The following LILRB1 variants were observed in gnomAD, a reference collection of about 807,000 sequenced individuals.
LILRB1 encodes leukocyte immunoglobulin-like receptor subfamily B member 1.
A neutral mutation model predicts 74.6 loss-of-function variants in LILRB1; 59 were observed. The ratio of observed to expected loss-of-function variants is 0.79; its 90% CI spans 0.64 to 0.98. The LOEUF (loss-of-function observed/expected upper bound fraction) is 0.98. LILRB1 is among the 50% of genes least tolerant of loss of function. LILRB1 has a pLI of 0.00. For missense variants in LILRB1, 804 were observed against 822.6 expected (o/e 0.98, Z 0.28); for synonymous variants, 328 against 333.9 (o/e 0.98, Z 0.19).
intron 1 of LILRB1, among the ~76,000 whole-genome samples, chr19:54,618,373 T>A (rs2146140215): frequency 6.6e-6 from 1 of 152,350 alleles, no homozygotes; most frequent in East Asian, 1.9e-4. Context: ...AAATCTTTAA[T>A]AAATAAGCTG....
chr19:54,632,847 G>A lies in LILRB1; in HGVS notation c.958+87G>A. The A allele has an allele frequency of 5.9e-6, 9 of 1,525,920 alleles. No homozygotes were observed. The South Asian group carries it at 7.0e-5, about 12-fold the overall frequency. The allele number at this position is 1,525,920 out of a possible 1,614,324, so 94.5% of individuals were successfully genotyped here. A position where few individuals can be genotyped will look rare whatever the true frequency, so the allele number is the denominator to read the frequency against. ...TCAGGTAGTGATGGCCGGGATGAGGGATGGGGGTCCCAAGGGAGGGAGAGA... is the reference window on the plus strand; with the variant it reads ...TCAGGTAGTGATGGCCGGGATGAGGAATGGGGGTCCCAAGGGAGGGAGAGA... On this transcript the variant is annotated intron_variant, in intron 6 of 14. Coordinates refer to ENST00000324602, the MANE Select transcript of LILRB1 (RefSeq NM_001081637.3).
At chr19:54,621,881 G>A (rs965486896) in intron 1 of LILRB1, among the ~76,000 whole-genome samples, 2 of 152,114 alleles carry the variant, frequency 1.3e-5, no homozygotes, top group Non-Finnish European at 2.9e-5. Flanking sequence ...GGAGATAAAG[G>A]TCCAGTTTTA....
Position 54,623,058 on chromosome 19 carries a change from C to T in LILRB1, c.-166+5709C>T, listed in dbSNP as rs1032149913. Among the ~76,000 whole-genome samples, 11 of 152,192 alleles carry T rather than the reference C, an allele frequency of 7.2e-5. No homozygotes were observed. The South Asian group carries it at 8.3e-4, about 11-fold the overall frequency. On this transcript the variant is annotated intron_variant, in intron 1 of 15. Coordinates refer to the LILRB1 transcript ENST00000396331. ...ATGTTTTTGATACACTGTTAGATTCCGTTTAATAGCATTTTCTTGAGGATT... is the reference window on the plus strand; with the variant it reads ...ATGTTTTTGATACACTGTTAGATTCTGTTTAATAGCATTTTCTTGAGGATT...
At chr19:54,633,385 C>G (rs1172067237) in intron 7 of LILRB1, 67 bp downstream of exon 7, 2 of 1,556,984 alleles carry the variant, frequency 1.3e-6, no homozygotes, top group Non-Finnish European at 1.7e-6. Context: ...CAGGAGAGCT[C>G]TGGGCTGGGA....
Position 54,622,200 on chromosome 19 carries a change from T to A in LILRB1, c.-166+4851T>A, listed in dbSNP as rs570179534. Among the ~76,000 whole-genome samples the A allele has an allele frequency of 2.0e-5, 3 of 152,336 alleles. No homozygotes were observed. The South Asian group carries it at 6.2e-4, about 32-fold the overall frequency. On this transcript the variant is annotated intron_variant, in intron 1 of 15. Transcript: ENST00000396331. ...TTTGGTTCCAAATGAATTTAAAAAT[T>A]GCTTTTTCTCTAATTCTGTTAAAGA...
chr19:54,634,003 G>A lies in LILRB1; in HGVS notation c.1345G>A (p.Gly449Arg), dbSNP rs1138736. The A allele has an allele frequency of 0.11, 180,795 of 1,597,496 alleles. 11,108 individuals carry two copies. The highest frequency in any genetic ancestry group is 0.21 in the African/African-American group (15,672 of 74,714). The change falls in exon 9 of 15, where the codon GGG (glycine) becomes AGG (arginine). Residue 449 changes from glycine (G) to arginine (R), a missense_variant. Transcript: ENST00000324602. Reference protein sequence around the residue: ...GPEDQPLTPTGSDPQSGLGRH... With the variant: ...GPEDQPLTPTRSDPQSGLGRH... ...TGAGGACCAGCCCCTCACCCCCACC[G>A]GGTCGGATCCCCAGAGTGGTGAGTG...
chr19:54,636,539 G>T lies in LILRB1; in HGVS notation c.1699G>T (p.Val567Leu), dbSNP rs1182318763. Residue 567 changes from valine to leucine, a missense_variant, in exon 14 of 15, where the codon GTG becomes TTG. Val to Leu is a conservative substitution (Grantham distance 32). Coordinates refer to ENST00000324602, the MANE Select transcript of LILRB1 (RefSeq NM_001081637.3). ...EDPQAVTYAE[V>L]KHSRPRREMA... The stretch of plus-strand genomic sequence containing the variant: ...CCCCCAGGCAGTGACGTATGCCGAG[G>T]TGAAACACTCCAGACCTAGGAGAGA... 1 of 1,611,784 alleles carries T rather than the reference G, an allele frequency of 6.2e-7. No individual in the cohort carries two copies. Among genetic ancestry groups the T allele is most frequent in the Admixed American group, 1.7e-5 (1 of 60,012 alleles).
intron 4 of LILRB1, 45 bp from the exon 5 acceptor site, chr19:54,631,890 G>A (rs374314250): frequency 5.8e-5 from 93 of 1,607,962 alleles, no homozygotes; most frequent in Non-Finnish European, 7.1e-5. Flanking sequence ...GGGATGACGC[G>A]GGTGGTCTGA....
At chr19:54,636,450 G>T (rs759184995) in intron 13 of LILRB1, 44 bp from the exon 14 acceptor site, 14 of 1,604,872 alleles carry the variant, frequency 8.7e-6, no homozygotes, top group African/African-American at 6.7e-5. Flanking sequence ...ACTCCAGGGG[G>T]TCAGGAGGAT....
chr19:54,633,731 C>T (rs1313037138), intron 8 of LILRB1, 43 bp downstream of exon 8: 1 of 1,585,316 alleles, frequency 6.3e-7, no homozygotes, highest in African/African-American at 1.4e-5. Flanking sequence ...TGCGGCCTCC[C>T]CCAGGGCAGC....
intron 13 of LILRB1, 150 bp from the exon 14 acceptor site, chr19:54,636,344 G>A: frequency 2.1e-6 from 3 of 1,434,658 alleles, no homozygotes; most frequent in South Asian, 1.4e-5. Context: ...ACCACAGCGA[G>A]GGAGCGGCCA....
chr19:54,634,282 C>A, intron 9 of LILRB1: 1 of 1,535,228 alleles, frequency 6.5e-7, no homozygotes, highest in Non-Finnish European at 8.8e-7. Context: ...CTGTCCCGTC[C>A]CACCTGCAGC....
In LILRB1 at chr19:54,635,735, C is replaced by T. The variant is rs140136805; in HGVS notation, c.1653+126C>T. ...ACGGTGGACCCCTCCTTGTCCAGCACGCTGCCTCCCGCCTGCTGCGACCTC... is the reference window on the plus strand; with the variant it reads ...ACGGTGGACCCCTCCTTGTCCAGCATGCTGCCTCCCGCCTGCTGCGACCTC... On this transcript the variant is annotated intron_variant, in intron 13 of 14. Coordinates refer to ENST00000324602, the MANE Select transcript of LILRB1 (RefSeq NM_001081637.3). The T allele has an allele frequency of 0.011, 12,229 of 1,114,916 alleles. 680 individuals carry two copies. In the African/African-American group the frequency reaches 0.14, roughly 13 times the overall value. The allele number at this position is 1,114,916 out of a possible 1,614,324, so 69.1% of individuals were successfully genotyped here.
upstream of LILRB1, among the ~76,000 whole-genome samples, chr19:54,627,612 C>T (rs147434205): frequency 3.9e-5 from 6 of 152,308 alleles, no homozygotes; most frequent in African/African-American, 1.4e-4. Context: ...TGCCCAGCAA[C>T]GGCATCTCCT....
rs565496968 is a variant in LILRB1 at position 54,617,706 on chromosome 19, T to C, written c.-166+357T>C. Reference sequence around the variant, plus strand: ...AGACTTCTTCCTCTGTACTTTGAGATGTAAGTTTTGCTGATTTTTTCTCCT... The same window carrying C: ...AGACTTCTTCCTCTGTACTTTGAGACGTAAGTTTTGCTGATTTTTTCTCCT... On this transcript the variant is annotated intron_variant, in intron 1 of 15. Transcript: ENST00000396331. Among the ~76,000 whole-genome samples the C allele has an allele frequency of 9.2e-4, 140 of 152,248 alleles. 1 individual carries two copies. Among genetic ancestry groups the C allele is most frequent in the African/African-American group, 3.3e-3 (137 of 41,530 alleles).
At chr19:54,621,139 G>C (rs1406493562) in intron 1 of LILRB1, among the ~76,000 whole-genome samples, 1 of 152,206 alleles carries the variant, frequency 6.6e-6, no homozygotes, top group Non-Finnish European at 1.5e-5. Context: ...CTCCCAAAGT[G>C]CTGGGATTAC....
upstream of LILRB1, among the ~76,000 whole-genome samples, chr19:54,629,529 G>A (rs1342943020): frequency 6.6e-6 from 1 of 152,158 alleles, no homozygotes; most frequent in Non-Finnish European, 1.5e-5. Context: ...TGAACACCCT[G>A]GTGTTTAGTG....
At chr19:54,623,059 G>A (rs769991321) in intron 1 of LILRB1, among the ~76,000 whole-genome samples, 35 of 152,190 alleles carry the variant, frequency 2.3e-4, no homozygotes, top group Non-Finnish European at 3.8e-4. Flanking sequence ...GTTAGATTCC[G>A]TTTAATAGCA....
At position 54,631,633 on chromosome 19, in the gene LILRB1, C is replaced by G. The variant is rs763885841; in HGVS notation, c.204C>G (p.Pro68=). ...TATATAGAGAAAAGAAAACAGCACC[C>G]TGGATTACACGGATCCCACAGGAGC... ...YRLYREKKTA[P]WITRIPQELV... Residue 68 remains proline (P), a synonymous_variant, in exon 4 of 15, where the codon CCC becomes CCG. Coordinates refer to ENST00000324602, the MANE Select transcript of LILRB1 (RefSeq NM_001081637.3). The G allele has an allele frequency of 2.5e-6, 4 of 1,614,284 alleles. No homozygotes were observed. The East Asian group carries it at 6.7e-5, about 27-fold the overall frequency.
Sources: allele counts gnomAD v4.1 joint callset (sites outside exome capture counted in the v4.1 genomes callset), GRCh38; gene constraint gnomAD v4.1.1; transcripts MANE v1.5; gene names NCBI Gene and HGNC (gene_info 2026-07-23, HGNC 2026-07-21).